HDAC9: variants seen among roughly 807,000 people sequenced by gnomAD.
HDAC9 encodes the protein histone deacetylase 9, also known as MEF-2 interacting transcription repressor (MITR) protein.
A neutral mutation model predicts 139.4 loss-of-function variants in HDAC9; 41 were observed. The observed-to-expected ratio is 0.29, with a 90% CI of 0.23 to 0.38. The LOEUF (loss-of-function observed/expected upper bound fraction) is 0.38, where lower values mean the gene tolerates loss of function less well. Ranked by LOEUF, HDAC9 falls within the 10% of genes least tolerant of loss-of-function variation. The probability of loss-of-function intolerance (pLI) is 1.00; values close to 1 mark genes in which losing one functional copy is unlikely to be tolerated. For missense variants in HDAC9, 1,147 were observed against 1,297.0 expected, an observed-to-expected ratio of 0.88 and a Z score of 1.78; for synonymous variants, 517 against 476.2, an observed-to-expected ratio of 1.09 and a Z score of -1.12.
intron 6 of HDAC9, among the ~76,000 whole-genome samples, chr7:18,628,402 A>C (rs971309505): frequency 6.6e-6 from 1 of 152,128 alleles, no homozygotes; most frequent in Non-Finnish European, 1.5e-5. Flanking sequence ...TATTGATAAA[A>C]CATTTAGAAT....
chr7:18,463,302 G>A (rs934571698), intron 1 of HDAC9, among the ~76,000 whole-genome samples: 1 of 151,940 alleles, frequency 6.6e-6, no homozygotes, highest in Admixed American at 6.6e-5. Flanking sequence ...GAAGAACGTG[G>A]TGTTATTTCT....
intron 22 of HDAC9, among the ~76,000 whole-genome samples, chr7:18,880,988 G>A (rs949547316): frequency 1.2e-4 from 18 of 151,732 alleles, no homozygotes; most frequent in African/African-American, 4.1e-4. Flanking sequence ...ATAATTTGGG[G>A]GAAGATACCT....
chr7:18,255,729 A>T (rs1795196143), intron 2 of HDAC9, among the ~76,000 whole-genome samples: 1 of 149,014 alleles, frequency 6.7e-6, no homozygotes, highest in Non-Finnish European at 1.5e-5. Flanking sequence ...CCAGGTTTCA[A>T]GCAACTCTCC....
intron 12 of HDAC9, among the ~76,000 whole-genome samples, chr7:18,704,905 G>A (rs1272259170): frequency 6.6e-6 from 1 of 152,122 alleles, no homozygotes; most frequent in Non-Finnish European, 1.5e-5. Context: ...CATTTTATAA[G>A]AAATGGAATA....
intron 12 of HDAC9, among the ~76,000 whole-genome samples, chr7:18,714,721 C>T (rs1438747218): frequency 6.6e-6 from 1 of 152,190 alleles, no homozygotes; most frequent in African/African-American, 2.4e-5. Flanking sequence ...GGACCCTGTA[C>T]TACTCTTCAT....
At chr7:18,286,324 C>G (rs1301268098), upstream of HDAC9, among the ~76,000 whole-genome samples, 1 of 151,194 alleles carries the variant, frequency 6.6e-6, no homozygotes, top group African/African-American at 2.4e-5. Flanking sequence ...TAGTCCCTCT[C>G]TATCCAGTCT....
At chr7:18,232,562 T>G (rs1793533987) in intron 2 of HDAC9, among the ~76,000 whole-genome samples, 1 of 152,220 alleles carries the variant, frequency 6.6e-6, no homozygotes. Flanking sequence ...TATTTGTGTT[T>G]TTATCCCCCA....
intron 18 of HDAC9, 25 bp from the exon 19 acceptor site, chr7:18,829,436 T>C (rs1795700362): frequency 6.6e-7 from 1 of 1,526,522 alleles, no homozygotes; most frequent in African/African-American, 1.4e-5. Context: ...GCTTTCTTAT[T>C]TCTCTGTTCT....
chr7:18,315,824 G>A (rs918948313), intron 1 of HDAC9, among the ~76,000 whole-genome samples: 5 of 152,158 alleles, frequency 3.3e-5, no homozygotes, highest in Non-Finnish European at 7.3e-5. Flanking sequence ...TTCTGTCACA[G>A]ATCACAAGAG....
intron 2 of HDAC9, among the ~76,000 whole-genome samples, chr7:18,193,645 A>G (rs1296160428): frequency 6.6e-6 from 1 of 152,148 alleles, no homozygotes; most frequent in South Asian, 2.1e-4. Flanking sequence ...CTCACCTATA[A>G]TATTTTCTCT....
At chr7:18,418,041 G>A (rs2128749982) in intron 1 of HDAC9, among the ~76,000 whole-genome samples, 1 of 152,190 alleles carries the variant, frequency 6.6e-6, no homozygotes, top group East Asian at 1.9e-4. Flanking sequence ...TGCTCTCTTG[G>A]CAACAACTTT....
intron 16 of HDAC9, among the ~76,000 whole-genome samples, chr7:18,769,364 G>T (rs1321844148): frequency 2.0e-5 from 3 of 152,086 alleles, no homozygotes; most frequent in Admixed American, 6.6e-5. Context: ...GCACAGTGTG[G>T]GTCATAGAGT....
At chr7:18,365,385 C>T (rs1370214472) in intron 1 of HDAC9, among the ~76,000 whole-genome samples, 1 of 152,046 alleles carries the variant, frequency 6.6e-6, no homozygotes, top group Non-Finnish European at 1.5e-5. Flanking sequence ...CAGTTCCTGG[C>T]ATTATAATTA....
intron 12 of HDAC9, among the ~76,000 whole-genome samples, chr7:18,676,664 C>A (rs1398821298): frequency 6.6e-6 from 1 of 151,794 alleles, no homozygotes; most frequent in Non-Finnish European, 1.5e-5. Context: ...TTAATTATTT[C>A]AATTGTCTGA....
chr7:18,818,860 G>C (rs549073326), intron 17 of HDAC9, among the ~76,000 whole-genome samples: 6 of 152,060 alleles, frequency 3.9e-5, no homozygotes, highest in Non-Finnish European at 8.8e-5. Context: ...GGAAATATAC[G>C]TTTCTGTTGC....
intron 21 of HDAC9, among the ~76,000 whole-genome samples, chr7:18,838,415 G>A (rs1029094245): frequency 1.3e-5 from 2 of 151,990 alleles, no homozygotes; most frequent in African/African-American, 2.4e-5. Flanking sequence ...GTTGGAGTCG[G>A]GGGTATTCAT....
At chr7:18,463,955 C>T (rs1031073202) in intron 1 of HDAC9, among the ~76,000 whole-genome samples, 1 of 151,928 alleles carries the variant, frequency 6.6e-6, no homozygotes, top group African/African-American at 2.4e-5. Flanking sequence ...TGTTGAGACT[C>T]CTCTGGTCAA....
intron 25 of HDAC9, among the ~76,000 whole-genome samples, chr7:18,979,650 G>A (rs1394226998): frequency 6.6e-6 from 1 of 152,200 alleles, no homozygotes; most frequent in African/African-American, 2.4e-5. Context: ...CTTTCAGGAA[G>A]CAAGTTCCTG....
intron 1 of HDAC9, among the ~76,000 whole-genome samples, chr7:18,096,335 C>T (rs1421556294): frequency 1.3e-5 from 2 of 152,164 alleles, no homozygotes; most frequent in Admixed American, 6.5e-5. Context: ...TGTTTAGCAA[C>T]CTTTCTATTC....
Sources: allele counts gnomAD v4.1 joint callset (sites outside exome capture counted in the v4.1 genomes callset), GRCh38; gene constraint gnomAD v4.1.1; transcripts MANE v1.5; gene names NCBI Gene and HGNC (gene_info 2026-07-23, HGNC 2026-07-21).